The following PTGES3L variants were observed in gnomAD, a reference collection of about 807,000 sequenced individuals.
The protein encoded by PTGES3L is putative protein PTGES3L.
A neutral mutation model predicts 25.0 loss-of-function variants in PTGES3L; 17 were observed. The ratio of observed to expected loss-of-function variants is 0.68; its 90% CI spans 0.47 to 1.02. PTGES3L has a LOEUF of 1.02. PTGES3L is among the 50% of genes least tolerant of loss of function. The pLI is 0.00. For missense variants in PTGES3L, 202 were observed against 197.5 expected, an observed-to-expected ratio of 1.02 and a Z score of -0.14; for synonymous variants, 59 against 65.7, an observed-to-expected ratio of 0.90 and a Z score of 0.50.
At position 42,970,274 on chromosome 17, in the gene PTGES3L, G is replaced by C; in HGVS notation, c.432+15C>G. On this transcript the variant is annotated intron_variant, in intron 6 of 6. Coordinates refer to ENST00000591916, the MANE Select transcript of PTGES3L (RefSeq NM_001261430.2). ...TACAAAGAAACTGAAGGGTTGAGGG[G>C]AAGGCTTTACTTACATCCAAATCAT... The C allele has an allele frequency of 1.2e-6, 2 of 1,613,910 alleles. No individual in the cohort carries two copies. Among genetic ancestry groups the C allele is most frequent in the South Asian group, 2.2e-5 (2 of 91,078 alleles).
chr17:42,979,494 A>AT (rs1567726351), intron 2 of PTGES3L, 50 bp from the exon 3 acceptor site: 4 of 1,614,040 alleles, frequency 2.5e-6, no homozygotes, highest in Non-Finnish European at 3.4e-6. Context: ...GTGTGGGGAC[A>AT]TTAGGAAAGG....
chr17:42,970,676 G>GCACACACACACA (rs57542042), intron 5 of PTGES3L, among the ~76,000 whole-genome samples: 109 of 144,186 alleles, frequency 7.6e-4, no homozygotes, highest in African/African-American at 2.6e-3. Flanking sequence ...CTTAACACGC[G>GCACACACACACA]CACACACACA....
chr17:42,970,769 GAGAC>G (rs10583796), intron 5 of PTGES3L, among the ~76,000 whole-genome samples: 122,652 of 151,132 alleles, frequency 0.81, 52,107 homozygotes, highest in East Asian at 1. Flanking sequence ...TTGGGAGGCT[GAGAC>G]AGACAGATCA....
chr17:42,973,961 C>T (rs1159967130), intron 4 of PTGES3L, among the ~76,000 whole-genome samples: 3 of 135,840 alleles, frequency 2.2e-5, no homozygotes, highest in African/African-American at 8.2e-5. Flanking sequence ...CCAAATCCCC[C>T]TCTGTGAGAA....
At chr17:42,970,674 G>GCA (rs1482998381) in intron 5 of PTGES3L, among the ~76,000 whole-genome samples, 102 of 105,696 alleles carry the variant, frequency 9.7e-4, no homozygotes, top group Middle Eastern at 9.3e-3. Context: ...GGCTTAACAC[G>GCA]CGCACACACA....
At chr17:42,977,716 A>G (rs1473206466) in intron 4 of PTGES3L, among the ~76,000 whole-genome samples, 2 of 143,928 alleles carry the variant, frequency 1.4e-5, no homozygotes, top group Non-Finnish European at 1.5e-5. Flanking sequence ...AAGAAAGAAA[A>G]GAAAGAATAA....
chr17:42,969,168 C>A lies in PTGES3L; in HGVS notation c.451G>T (p.Asp151Tyr), dbSNP rs1467252728. ...DDLDDDSDSA[D>Y]DATSN The stretch of plus-strand genomic sequence containing the variant: ...GAAAGTTAATTACTTGTTGCATCAT[C>A]AGCACTGTCAGAATCATCCTGGGGG... The change falls in exon 7 of 7, where the codon GAT becomes TAT. Residue 151 changes from aspartate (D) to tyrosine (Y), a missense_variant. Asp to Tyr is a radical substitution (Grantham distance 160). Coordinates refer to ENST00000591916, the MANE Select transcript of PTGES3L (RefSeq NM_001261430.2). 6.6e-7 allele frequency: 1 copy of A among 1,520,914 alleles called. No individual in the cohort carries two copies. The allele number at this position is 1,520,914 out of a possible 1,614,324, so 94.2% of individuals were successfully genotyped here. A position where few individuals can be genotyped will look rare whatever the true frequency, so the allele number is the denominator to read the frequency against.
At chr17:42,975,593 G>A (rs977504523) in intron 4 of PTGES3L, among the ~76,000 whole-genome samples, 3 of 152,160 alleles carry the variant, frequency 2.0e-5, no homozygotes, top group Non-Finnish European at 4.4e-5. Context: ...AGGAGCAAGT[G>A]AGGTGAAGTA....
In PTGES3L at chr17:42,979,233, A is replaced by G. The variant is rs199959195; in HGVS notation, c.225T>C (p.Thr75=). 717 of 1,614,116 alleles carry G rather than the reference A, an allele frequency of 4.4e-4. No homozygotes were observed. The highest frequency in any genetic ancestry group is 6.8e-4 in the Admixed American group (41 of 59,998). The part of the protein sequence containing the change: ...SQDKRSSRSI[T]CFVRKWKEKV... ...TTTCCTTCCATTTTCTCACAAAACA[A>G]GTAATAGAGCGGGAAGAGCGCTTAT... The change falls in exon 4 of 7, where the codon ACT becomes ACC. Residue 75 remains threonine, a synonymous_variant. Transcript: ENST00000591916.
chr17:42,973,094 C>A (rs1224077142), intron 4 of PTGES3L, among the ~76,000 whole-genome samples: 12 of 145,500 alleles, frequency 8.2e-5, no homozygotes, highest in Non-Finnish European at 1.7e-4. Flanking sequence ...GGCAACCACC[C>A]CGTCTGAGAA....
chr17:42,974,004 AAAAAAAAATAAAAATAAAAAT>A (rs1340789015), intron 4 of PTGES3L, among the ~76,000 whole-genome samples: 1 of 2,246 alleles, frequency 4.5e-4, no homozygotes, highest in Non-Finnish European at 0.083. Context: ...AAAATAAATT[AAAAAAAAATAAAAATAAAAAT>A]AAAAAAAAAT....
chr17:42,976,171 A>C (rs2049951191), intron 4 of PTGES3L, among the ~76,000 whole-genome samples: 1 of 151,444 alleles, frequency 6.6e-6, no homozygotes, highest in Non-Finnish European at 1.5e-5. Context: ...TTTAGTAGAG[A>C]TGGGGTTTTG....
At chr17:42,977,985 G>A (rs1264640548) in intron 4 of PTGES3L, among the ~76,000 whole-genome samples, 1 of 139,752 alleles carries the variant, frequency 7.2e-6, no homozygotes, top group Non-Finnish European at 1.5e-5. Flanking sequence ...GACTGAGGCA[G>A]GAGAATCGCT....
In PTGES3L at chr17:42,978,077, CAAAAA is replaced by C. The variant is rs368420097; in HGVS notation, c.288+1088_288+1092del. Among the ~76,000 whole-genome samples, 100 of 47,392 alleles carry C rather than the reference CAAAAA, an allele frequency of 2.1e-3. 1 individual carries two copies. Among genetic ancestry groups the C allele is most frequent in the East Asian group, 1.4e-3 (2 of 1,460 alleles). 31.1% of individuals were successfully genotyped at this position (47,392 alleles called of 152,430 possible). A position where few individuals can be genotyped will look rare whatever the true frequency, so the allele number is the denominator to read the frequency against. ...GGGCAACAAGAGCGAAACTCCGAATCAAAAAAAAAAAAAAAAAAAAAAACAGAAAG... is the reference window on the plus strand; with the variant it reads ...GGGCAACAAGAGCGAAACTCCGAATCAAAAAAAAAAAAAAAAAACAGAAAG... On this transcript the variant is annotated intron_variant, in intron 4 of 6. Transcript: ENST00000591916.
At chr17:42,977,867 T>C (rs1034818377) in intron 4 of PTGES3L, among the ~76,000 whole-genome samples, 2 of 151,288 alleles carry the variant, frequency 1.3e-5, no homozygotes, top group Non-Finnish European at 2.9e-5. Flanking sequence ...TCACCTGTGG[T>C]CAGGAGTTTG....
rs1247673394 is a variant in PTGES3L, at chr17:42,969,196, G to T, written c.433-10C>A. 5.6e-6 allele frequency: 8 copies of T among 1,439,052 alleles called. No individual in the cohort carries two copies. Among genetic ancestry groups the T allele is most frequent in the East Asian group, 2.5e-5 (1 of 40,056 alleles). The allele number at this position is 1,439,052 out of a possible 1,614,324, so 89.1% of individuals were successfully genotyped here. On this transcript the variant is annotated splice_polypyrimidine_tract_variant and intron_variant, in intron 6 of 6. Transcript: ENST00000591916. ...CACTGTCAGAATCATCCTGGGGGCG[G>T]GGGGGAAAAAAGACAAAGCACCTGT... is the stretch of plus-strand genomic sequence containing the variant.
intron 4 of PTGES3L, among the ~76,000 whole-genome samples, chr17:42,972,785 C>T (rs887121135): frequency 2.7e-5 from 4 of 147,890 alleles, no homozygotes; most frequent in Non-Finnish European, 1.5e-5. Flanking sequence ...GGCCGCCCAT[C>T]GTCTGGGATG....
chr17:42,971,571 T>C, intron 5 of PTGES3L, 36 bp downstream of exon 5: 1 of 1,610,832 alleles, frequency 6.2e-7, no homozygotes, highest in Non-Finnish European at 8.5e-7. Flanking sequence ...CAAAGAATGA[T>C]CAAGTGGGCA....
In PTGES3L at chr17:42,970,331, C is replaced by G. The variant is rs770255197; in HGVS notation, c.390G>C (p.Lys130Asn). 8 of 1,613,244 alleles carry G rather than the reference C, an allele frequency of 5.0e-6. No individual in the cohort carries two copies. The East Asian group carries it at 1.8e-4, about 36-fold the overall frequency. ...CAGGTGGAGGTCTCTTGGTGCTGAC[C>G]TTCTTCAAAAGCTAGTGGGAAGAAA... ...HVEHYAELLK[K>N]VSTKRPPPAM... Residue 130 changes from lysine (K) to asparagine (N), a missense_variant, in exon 6 of 7, where the codon AAG (lysine) becomes AAC (asparagine). Lys to Asn is a moderately conservative substitution (Grantham distance 94, BLOSUM62 0). Coordinates refer to ENST00000591916, the MANE Select transcript of PTGES3L (RefSeq NM_001261430.2).
Sources: allele counts gnomAD v4.1 joint callset (sites outside exome capture counted in the v4.1 genomes callset), GRCh38; gene constraint gnomAD v4.1.1; transcripts MANE v1.5; gene names NCBI Gene and HGNC (gene_info 2026-07-23, HGNC 2026-07-21).